BAZ2B: variants seen among roughly 807,000 people sequenced by gnomAD.
BAZ2B encodes bromodomain adjacent to zinc finger domain 2B.
In BAZ2B, 91 loss-of-function variants were observed where a neutral mutation model predicts 246.0. The ratio of observed to expected loss-of-function variants is 0.37; its 90% confidence interval spans 0.31 to 0.44. The LOEUF (loss-of-function observed/expected upper bound fraction) is 0.44. Among genes scored for constraint, BAZ2B ranks in the 20% least tolerant of loss-of-function variants. BAZ2B has a pLI of 1.00. For missense variants in BAZ2B, 2,332 were observed against 2,533.7 expected (o/e 0.92, Z 1.71); for synonymous variants, 855 against 860.0 (o/e 0.99, Z 0.10).
chr2:159,667,791 T>G, the BAZ2B span, among the ~76,000 whole-genome samples: 2 of 152,202 alleles, frequency 1.3e-5, no homozygotes, highest in East Asian at 3.9e-4. Context: ...ATAGTTATGA[T>G]TATAACTTGA....
chr2:159,544,981 TG>T (rs1409717561), intron 2 of BAZ2B, among the ~76,000 whole-genome samples: 2 of 152,216 alleles, frequency 1.3e-5, no homozygotes, highest in Non-Finnish European at 2.9e-5. Flanking sequence ...GCAAGACAGC[TG>T]AATTCTGCTG....
At chr2:159,325,118 T>A (rs1322610060) in intron 35 of BAZ2B, among the ~76,000 whole-genome samples, 164 bp from the exon 36 acceptor site, 3 of 1,496 alleles carry the variant, frequency 2.0e-3, no homozygotes, top group African/African-American at 4.0e-3. Flanking sequence ...ATATATATTT[T>A]ATATATATAT....
chr2:159,391,307 G>A (rs772831424), intron 20 of BAZ2B, among the ~76,000 whole-genome samples: 14 of 152,130 alleles, frequency 9.2e-5, no homozygotes, highest in Non-Finnish European at 1.3e-4. Context: ...TAGCCCAGAT[G>A]TGTAGCAGTC....
At chr2:159,348,926 C>A in intron 29 of BAZ2B, 81 bp downstream of exon 29, 1 of 1,552,108 alleles carries the variant, frequency 6.4e-7, no homozygotes, top group Non-Finnish European at 8.7e-7. Flanking sequence ...ATATATAGAA[C>A]CATCAAATAT....
chr2:159,462,530 G>A, intron 3 of BAZ2B: 1 of 940,896 alleles, frequency 1.1e-6, no homozygotes, highest in Non-Finnish European at 1.8e-6. Flanking sequence ...TTCACTAATT[G>A]CTGTCTGATA....
At chr2:159,703,133 C>G in the BAZ2B span, among the ~76,000 whole-genome samples, 1 of 151,270 alleles carries the variant, frequency 6.6e-6, no homozygotes, top group Non-Finnish European at 1.5e-5. Context: ...GTTGCTCAGG[C>G]TGGAGTGCAG....
chr2:159,426,527 T>TTTAAAAA (rs1406274889), intron 13 of BAZ2B, among the ~76,000 whole-genome samples: 6 of 152,116 alleles, frequency 3.9e-5, no homozygotes, highest in Admixed American at 1.3e-4. Flanking sequence ...TTAGTCTAAG[T>TTTAAAAA]CAAAATCTTT....
intron 27 of BAZ2B, among the ~76,000 whole-genome samples, chr2:159,369,917 A>G (rs1297808487): frequency 2.0e-5 from 3 of 152,132 alleles, no homozygotes; most frequent in African/African-American, 7.2e-5. Flanking sequence ...TGGTATTTCA[A>G]CCCAAATGTC....
chr2:159,325,092 TTA>T (rs1259389789), intron 35 of BAZ2B, 138 bp from the exon 36 acceptor site: 1 of 2,432 alleles, frequency 4.1e-4, no homozygotes, highest in African/African-American at 8.3e-4. Context: ...TATATATATA[TTA>T]TATATATATA....
chr2:159,561,691 G>A (rs939841888), intron 1 of BAZ2B, among the ~76,000 whole-genome samples: 4 of 152,150 alleles, frequency 2.6e-5, no homozygotes, highest in Non-Finnish European at 5.9e-5. Context: ...ACCATAGCTG[G>A]ACTGAACTGT....
intron 2 of BAZ2B, among the ~76,000 whole-genome samples, chr2:159,548,467 T>C (rs2087679291): frequency 6.6e-6 from 1 of 152,198 alleles, no homozygotes; most frequent in African/African-American, 2.4e-5. Flanking sequence ...GGAAAGATAT[T>C]TGACCTTTCC....
intron 3 of BAZ2B, among the ~76,000 whole-genome samples, chr2:159,470,476 A>T (rs984819236): frequency 1.3e-5 from 2 of 152,222 alleles, no homozygotes; most frequent in Admixed American, 1.3e-4. Context: ...CACCAAAATA[A>T]AGAAACTAAA....
intron 1 of BAZ2B, among the ~76,000 whole-genome samples, chr2:159,576,730 G>C (rs1406568911): frequency 6.7e-6 from 1 of 149,064 alleles, no homozygotes; most frequent in Admixed American, 6.7e-5. Flanking sequence ...TGGCTAACAT[G>C]GTGAAACCCC....
intron 2 of BAZ2B, among the ~76,000 whole-genome samples, chr2:159,522,367 G>T (rs1223614566): frequency 6.6e-6 from 1 of 152,102 alleles, no homozygotes; most frequent in Non-Finnish European, 1.5e-5. Flanking sequence ...CTGTGCTACA[G>T]ATAAAATTAA....
At position 159,609,316 on chromosome 2, in the gene BAZ2B, A is replaced by T. The variant is rs1694204373; in HGVS notation, c.-46+6926T>A. ...TTCTAAAAAACTAGAGTAACTCTAT[A>T]GTTTTAGGATTAGCATTATTCTAAT... On this transcript the variant is annotated intron_variant, in intron 1 of 36. Transcript: ENST00000392783. 2.6e-5 allele frequency among the ~76,000 whole-genome samples: 4 copies of T among 152,232 alleles called. No individual in the cohort carries two copies. The South Asian group carries it at 8.3e-4, about 31-fold the overall frequency.
At chr2:159,494,129 A>G (rs1262708447) in intron 2 of BAZ2B, among the ~76,000 whole-genome samples, 1 of 152,196 alleles carries the variant, frequency 6.6e-6, no homozygotes, top group Admixed American at 6.5e-5. Flanking sequence ...CATAAATAAT[A>G]TACAGGTAAT....
At chr2:159,665,162 TC>T in the BAZ2B span, among the ~76,000 whole-genome samples, 74 of 106,034 alleles carry the variant, frequency 7.0e-4, no homozygotes, top group Non-Finnish European at 1.2e-3. Context: ...AAGGACCTCT[TC>T]AAGGAGAACT....
At chr2:159,640,018 A>G in the BAZ2B span, among the ~76,000 whole-genome samples, 1 of 152,112 alleles carries the variant, frequency 6.6e-6, no homozygotes, top group Non-Finnish European at 1.5e-5. Context: ...AAAAACATTC[A>G]TTTGGTGCCA....
At chr2:159,542,597 A>G (rs1216333939) in intron 2 of BAZ2B, among the ~76,000 whole-genome samples, 4 of 152,112 alleles carry the variant, frequency 2.6e-5, no homozygotes, top group African/African-American at 9.7e-5. Context: ...TGATCATACC[A>G]CTGCAATCCA....
Sources: allele counts gnomAD v4.1 joint callset (sites outside exome capture counted in the v4.1 genomes callset), GRCh38; gene constraint gnomAD v4.1.1; transcripts MANE v1.5; gene names NCBI Gene and HGNC (gene_info 2026-07-23, HGNC 2026-07-21).